Variants in EPB41L4A observed in about 807,000 individuals in gnomAD.
EPB41L4A encodes the protein band 4.1-like protein 4A.
Under a neutral mutation model 108.6 loss-of-function variants are expected in EPB41L4A, and 100 were observed. The ratio of observed to expected loss-of-function variants is 0.92; its 90% CI spans 0.78 to 1.09. The LOEUF (loss-of-function observed/expected upper bound fraction) is 1.09. EPB41L4A is among the 50% of genes least tolerant of loss of function. The probability of loss-of-function intolerance (pLI) is 0.00; values close to 1 mark genes in which losing one functional copy is unlikely to be tolerated. For missense variants in EPB41L4A, 1,030 were observed against 842.7 expected (o/e 1.22, Z -2.75); for synonymous variants, 319 against 289.0 (o/e 1.10, Z -1.05).
chr5:112,379,320 A>G (rs1466698593), intron 1 of EPB41L4A, among the ~76,000 whole-genome samples: 1 of 152,222 alleles, frequency 6.6e-6, no homozygotes, highest in Non-Finnish European at 1.5e-5. Context: ...TGAACATCTA[A>G]AATCCCTTCA....
chr5:112,358,695 C>G (rs1758519930), intron 1 of EPB41L4A, among the ~76,000 whole-genome samples: 2 of 152,132 alleles, frequency 1.3e-5, no homozygotes, highest in South Asian at 4.1e-4. Context: ...ATAGCAATTC[C>G]ACTTCTAGGT....
intron 20 of EPB41L4A, among the ~76,000 whole-genome samples, chr5:112,169,650 TTTTA>T (rs1303255837): frequency 3.3e-5 from 5 of 152,232 alleles, no homozygotes; most frequent in African/African-American, 4.8e-5. Context: ...CATACACAAT[TTTTA>T]TTTGTCAATT....
intron 1 of EPB41L4A, among the ~76,000 whole-genome samples, chr5:112,383,990 T>TAAGTA (rs1049740743): frequency 6.6e-6 from 1 of 152,180 alleles, no homozygotes; most frequent in African/African-American, 2.4e-5. Flanking sequence ...AATATTACGC[T>TAAGTA]AAGTAAAAGA....
chr5:112,243,163 G>A (rs1164665368), intron 9 of EPB41L4A, among the ~76,000 whole-genome samples: 4 of 147,652 alleles, frequency 2.7e-5, no homozygotes, highest in East Asian at 3.9e-4. Flanking sequence ...GCAGTGAGCC[G>A]AGATCGTGCC....
intron 9 of EPB41L4A, among the ~76,000 whole-genome samples, chr5:112,254,115 T>C (rs1207334372): frequency 6.6e-6 from 1 of 152,206 alleles, no homozygotes; most frequent in African/African-American, 2.4e-5. Flanking sequence ...GTATTATACA[T>C]AAAAGTAAGC....
chr5:112,149,178 T>G (rs1759372870), intron 12 of EPB41L4A, among the ~76,000 whole-genome samples: 1 of 152,170 alleles, frequency 6.6e-6, no homozygotes, highest in Admixed American at 6.5e-5. Context: ...ATCAAGTTAC[T>G]TTAAGAAAGA....
chr5:112,241,278 C>G (rs1245652553), intron 9 of EPB41L4A, among the ~76,000 whole-genome samples: 1 of 152,120 alleles, frequency 6.6e-6, no homozygotes, highest in African/African-American at 2.4e-5. Context: ...AGTGACCACC[C>G]CAGCAGCATA....
At chr5:112,340,364 C>G (rs1757233808) in intron 1 of EPB41L4A, among the ~76,000 whole-genome samples, 1 of 152,154 alleles carries the variant, frequency 6.6e-6, no homozygotes, top group African/African-American at 2.4e-5. Flanking sequence ...AGTGGGGCCC[C>G]AAAATGCACG....
chr5:112,343,619 T>G (rs1185995718), intron 1 of EPB41L4A, among the ~76,000 whole-genome samples: 2 of 152,104 alleles, frequency 1.3e-5, no homozygotes, highest in Non-Finnish European at 2.9e-5. Context: ...ACCACCATCA[T>G]TTCAGAACAG....
intron 1 of EPB41L4A, among the ~76,000 whole-genome samples, chr5:112,310,891 T>C (rs1005348836): frequency 3.9e-5 from 6 of 152,178 alleles, no homozygotes; most frequent in African/African-American, 9.7e-5. Flanking sequence ...AGCAAGAGTT[T>C]AGGATTAATT....
chr5:112,271,366 T>G (rs1752253042), intron 4 of EPB41L4A, among the ~76,000 whole-genome samples: 1 of 152,228 alleles, frequency 6.6e-6, no homozygotes, highest in African/African-American at 2.4e-5. Flanking sequence ...CAGCTACCTT[T>G]ATCATTATTG....
At chr5:112,395,549 C>T (rs2112706378) in intron 1 of EPB41L4A, among the ~76,000 whole-genome samples, 2 of 152,268 alleles carry the variant, frequency 1.3e-5, no homozygotes, top group South Asian at 4.1e-4. Context: ...CAATGAGATA[C>T]CATCTCATGC....
At chr5:112,408,999 G>A (rs549768150) in intron 1 of EPB41L4A, among the ~76,000 whole-genome samples, 1 of 152,056 alleles carries the variant, frequency 6.6e-6, no homozygotes, top group East Asian at 1.9e-4. Context: ...TAAATTAAAT[G>A]AGAACATACA....
chr5:112,281,583 T>C (rs1316800954), intron 2 of EPB41L4A, among the ~76,000 whole-genome samples: 3 of 152,168 alleles, frequency 2.0e-5, no homozygotes, highest in Non-Finnish European at 4.4e-5. Context: ...TTCCTCGTGC[T>C]CCTTAATGAA....
intron 12 of EPB41L4A, among the ~76,000 whole-genome samples, chr5:112,221,261 C>T (rs1197773702): frequency 6.6e-6 from 1 of 152,180 alleles, no homozygotes; most frequent in African/African-American, 2.4e-5. Flanking sequence ...GCAAATTATC[C>T]TTCCGGACAC....
chr5:112,312,035 T>C (rs1346331096), intron 1 of EPB41L4A, among the ~76,000 whole-genome samples: 2 of 152,212 alleles, frequency 1.3e-5, no homozygotes, highest in Non-Finnish European at 2.9e-5. Context: ...ATTTTAAAAA[T>C]ATGTAAATCA....
At chr5:112,239,159 A>G (rs918787499) in intron 11 of EPB41L4A, among the ~76,000 whole-genome samples, 98 of 152,200 alleles carry the variant, frequency 6.4e-4, no homozygotes, top group African/African-American at 2.3e-3. Flanking sequence ...AATGGAAAAC[A>G]TGTATCACAG....
At chr5:112,215,570 G>C (rs1747567515) in intron 12 of EPB41L4A, among the ~76,000 whole-genome samples, 1 of 151,958 alleles carries the variant, frequency 6.6e-6, no homozygotes, top group Non-Finnish European at 1.5e-5. Context: ...AGACCATTCT[G>C]GTTAACAATG....
intron 12 of EPB41L4A, among the ~76,000 whole-genome samples, chr5:112,211,870 C>G (rs1380604405): frequency 6.6e-6 from 1 of 152,168 alleles, no homozygotes; most frequent in Non-Finnish European, 1.5e-5. Context: ...GAATTGTGTT[C>G]CTATTTTGGA....
Sources: gnomAD v4.1 joint callset for allele counts (sites outside exome capture counted in the v4.1 genomes callset) on GRCh38, gnomAD v4.1.1 for gene constraint, MANE v1.5 for transcripts, NCBI Gene and HGNC (gene_info 2026-07-23, HGNC 2026-07-21) for gene names.